The following CNTNAP2 variants were observed in gnomAD, a reference collection of about 807,000 sequenced individuals.
The protein encoded by CNTNAP2 is contactin-associated protein-like 2.
In CNTNAP2, 98 loss-of-function variants were observed where a neutral mutation model predicts 155.2. The ratio of observed to expected loss-of-function variants is 0.63; its 90% CI spans 0.54 to 0.75. CNTNAP2 has a LOEUF of 0.75. Ranked by LOEUF, CNTNAP2 falls within the 30% of genes least tolerant of loss-of-function variation. The probability of loss-of-function intolerance (pLI) is 0.00; values close to 1 mark genes in which losing one functional copy is unlikely to be tolerated. For synonymous variants in CNTNAP2, 651 were observed against 631.2 expected (o/e 1.03, Z -0.47); for missense variants, 1,727 against 1,688.1 (o/e 1.02, Z -0.40).
chr7:147,169,166 A>G (rs1379086260), intron 8 of CNTNAP2, among the ~76,000 whole-genome samples: 1 of 152,208 alleles, frequency 6.6e-6, no homozygotes, highest in African/African-American at 2.4e-5. Flanking sequence ...GACTCTAATG[A>G]AAGCATCTTG....
At chr7:147,234,627 C>T (rs1430166983) in intron 8 of CNTNAP2, among the ~76,000 whole-genome samples, 2 of 152,162 alleles carry the variant, frequency 1.3e-5, no homozygotes, top group Admixed American at 1.3e-4. Context: ...GCATGAGCCA[C>T]CGCGCCCGGC....
intron 3 of CNTNAP2, among the ~76,000 whole-genome samples, chr7:146,996,822 G>A (rs1219633269): frequency 3.9e-5 from 6 of 152,044 alleles, no homozygotes; most frequent in Non-Finnish European, 7.4e-5. Flanking sequence ...TGTAGCTTCC[G>A]TAATTCCCAC....
At chr7:147,205,200 C>T (rs1386402313) in intron 8 of CNTNAP2, among the ~76,000 whole-genome samples, 3 of 152,134 alleles carry the variant, frequency 2.0e-5, no homozygotes, top group African/African-American at 4.8e-5. Flanking sequence ...TAGTGTACAT[C>T]GTATTCAATA....
intron 14 of CNTNAP2, among the ~76,000 whole-genome samples, chr7:147,949,594 C>G (rs1221514705): frequency 1.3e-5 from 2 of 151,944 alleles, no homozygotes; most frequent in Non-Finnish European, 2.9e-5. Context: ...GTTGTTCTCC[C>G]GGAATGAGCG....
intron 14 of CNTNAP2, among the ~76,000 whole-genome samples, chr7:147,935,382 C>A (rs1174613467): frequency 6.6e-6 from 1 of 152,190 alleles, no homozygotes; most frequent in Non-Finnish European, 1.5e-5. Flanking sequence ...GCCTCAGCCT[C>A]CCGAAGTGCT....
At chr7:146,141,021 ACT>A (rs916200712) in intron 1 of CNTNAP2, among the ~76,000 whole-genome samples, 1 of 152,146 alleles carries the variant, frequency 6.6e-6, no homozygotes, top group Non-Finnish European at 1.5e-5. Flanking sequence ...CTGGAAACAA[ACT>A]CAAATTTGTA....
chr7:146,379,860 A>T (rs990630336), intron 1 of CNTNAP2, among the ~76,000 whole-genome samples: 1 of 152,230 alleles, frequency 6.6e-6, no homozygotes, highest in Non-Finnish European at 1.5e-5. Flanking sequence ...GTAAAAGAAA[A>T]AAAAAGACAC....
At chr7:146,358,593 A>G (rs144480116) in intron 1 of CNTNAP2, among the ~76,000 whole-genome samples, 2 of 152,188 alleles carry the variant, frequency 1.3e-5, no homozygotes, top group Non-Finnish European at 2.9e-5. Context: ...AAGGTTGAGG[A>G]AAGATCGTAT....
intron 1 of CNTNAP2, among the ~76,000 whole-genome samples, chr7:146,768,651 G>C (rs1036935608): frequency 2.0e-5 from 3 of 151,900 alleles, no homozygotes; most frequent in Admixed American, 6.6e-5. Context: ...AACTCAGAAT[G>C]TGCCTTTTGC....
chr7:147,621,152 A>T (rs1794841725), intron 12 of CNTNAP2, among the ~76,000 whole-genome samples: 1 of 152,130 alleles, frequency 6.6e-6, no homozygotes, highest in Non-Finnish European at 1.5e-5. Context: ...TTCAAATATA[A>T]AGGAGAAATA....
chr7:147,706,733 GT>G (rs1796322210), intron 13 of CNTNAP2, among the ~76,000 whole-genome samples: 1 of 152,052 alleles, frequency 6.6e-6, no homozygotes, highest in Non-Finnish European at 1.5e-5. Context: ...TATCCCTTTT[GT>G]TTTCTCTTCA....
chr7:147,824,576 G>A (rs1798416418), intron 13 of CNTNAP2, among the ~76,000 whole-genome samples: 1 of 152,042 alleles, frequency 6.6e-6, no homozygotes, highest in African/African-American at 2.4e-5. Flanking sequence ...TCGCCAATAT[G>A]AGTATCAAAA....
chr7:147,284,658 C>G (rs1288852518), intron 8 of CNTNAP2, among the ~76,000 whole-genome samples: 2 of 151,756 alleles, frequency 1.3e-5, no homozygotes, highest in South Asian at 2.1e-4. Flanking sequence ...CATTTATATC[C>G]TAATATGTGT....
intron 13 of CNTNAP2, among the ~76,000 whole-genome samples, chr7:147,853,027 A>G (rs1252124027): frequency 6.6e-6 from 1 of 152,186 alleles, no homozygotes. Flanking sequence ...TAAATTCTCC[A>G]GGAAGAAAGG....
At chr7:147,605,905 TTC>T (rs982076875) in intron 12 of CNTNAP2, among the ~76,000 whole-genome samples, 12 of 151,178 alleles carry the variant, frequency 7.9e-5, no homozygotes, top group Admixed American at 5.3e-4. Context: ...CTCTCTCTCT[TTC>T]TCTCTCTCTG....
chr7:147,208,000 A>G (rs953310867), intron 8 of CNTNAP2, among the ~76,000 whole-genome samples: 1 of 152,160 alleles, frequency 6.6e-6, no homozygotes, highest in Non-Finnish European at 1.5e-5. Flanking sequence ...AATTATCAAG[A>G]TGGACACTAT....
intron 1 of CNTNAP2, among the ~76,000 whole-genome samples, chr7:146,254,587 G>A (rs1799809456): frequency 1.3e-5 from 2 of 152,116 alleles, no homozygotes; most frequent in Admixed American, 1.3e-4. Context: ...AGAGACAGAT[G>A]GTAAAGCCAT....
chr7:146,999,912 T>C (rs1211260683), intron 3 of CNTNAP2, among the ~76,000 whole-genome samples: 1 of 152,038 alleles, frequency 6.6e-6, no homozygotes, highest in Non-Finnish European at 1.5e-5. Context: ...TATTTCTATC[T>C]TTCTCCAAGT....
At chr7:147,626,641 C>T (rs1490578375) in intron 12 of CNTNAP2, among the ~76,000 whole-genome samples, 2 of 152,138 alleles carry the variant, frequency 1.3e-5, no homozygotes, top group Non-Finnish European at 2.9e-5. Context: ...TTAGGGCAAG[C>T]TTAGATCCCT....
Sources: gnomAD v4.1 joint callset for allele counts (sites outside exome capture counted in the v4.1 genomes callset) on GRCh38, gnomAD v4.1.1 for gene constraint, MANE v1.5 for transcripts, NCBI Gene and HGNC (gene_info 2026-07-23, HGNC 2026-07-21) for gene names.